SPECC1: variants seen among roughly 807,000 people sequenced by gnomAD.
The protein encoded by SPECC1 is sperm antigen with calponin homology and coiled-coil domains 1, also known as cytospin-B.
SPECC1 carries 62 observed loss-of-function variants against 104.1 expected under a neutral mutation model. That is an observed-to-expected ratio of 0.60 (90% CI 0.49 to 0.74). SPECC1 has a LOEUF of 0.74. Among genes scored for constraint, SPECC1 ranks in the 30% least tolerant of loss-of-function variants. The probability of loss-of-function intolerance (pLI) is 0.00; values close to 1 mark genes in which losing one functional copy is unlikely to be tolerated. For synonymous variants in SPECC1, 513 were observed against 501.6 expected, an observed-to-expected ratio of 1.02 and a Z score of -0.30; for missense variants, 1,306 against 1,310.5, an observed-to-expected ratio of 1.00 and a Z score of 0.05.
chr17:20,228,628 T>TGG (rs2038382473), intron 5 of SPECC1, among the ~76,000 whole-genome samples: 2 of 152,320 alleles, frequency 1.3e-5, no homozygotes, highest in South Asian at 4.1e-4. Flanking sequence ...TGTGTGCTCT[T>TGG]GGTCTAAGGG....
At chr17:20,199,592 A>T (rs2036279207) in intron 3 of SPECC1, among the ~76,000 whole-genome samples, 1 of 150,894 alleles carries the variant, frequency 6.6e-6, no homozygotes, top group African/African-American at 2.4e-5. Context: ...TTGTGTAGAG[A>T]TAGGGTCTCA....
intron 3 of SPECC1, among the ~76,000 whole-genome samples, chr17:20,156,819 A>T (rs117943211): frequency 6.6e-6 from 1 of 152,252 alleles, no homozygotes; most frequent in East Asian, 1.9e-4. Context: ...CTGGTAGCTC[A>T]TGTCGGCCCC....
At chr17:20,278,334 C>T (rs1333024310) in intron 12 of SPECC1, among the ~76,000 whole-genome samples, 1 of 152,250 alleles carries the variant, frequency 6.6e-6, no homozygotes, top group East Asian at 1.9e-4. Context: ...GTAACAGAGG[C>T]AGAGGATAAG....
intron 3 of SPECC1, among the ~76,000 whole-genome samples, chr17:20,136,426 TAA>T (rs10577710): frequency 2.1e-5 from 3 of 144,178 alleles, no homozygotes; most frequent in Non-Finnish European, 3.0e-5. Flanking sequence ...CTCCATCTAT[TAA>T]AAAAAAAAAA....
At chr17:20,016,927 A>G (rs2044156398) in intron 1 of SPECC1, among the ~76,000 whole-genome samples, 1 of 152,222 alleles carries the variant, frequency 6.6e-6, no homozygotes. Flanking sequence ...TGTCTAGCTA[A>G]GGGATTGTAA....
chr17:20,305,349 G>A (rs1477331190), intron 13 of SPECC1, among the ~76,000 whole-genome samples: 2 of 152,020 alleles, frequency 1.3e-5, no homozygotes, highest in African/African-American at 4.8e-5. Context: ...TACCCAGTGG[G>A]ACAAAAAATA....
At chr17:20,195,662 G>GT (rs1227856666) in intron 3 of SPECC1, among the ~76,000 whole-genome samples, 2 of 151,472 alleles carry the variant, frequency 1.3e-5, no homozygotes, top group African/African-American at 4.9e-5. Flanking sequence ...GGTTCAAACA[G>GT]TTCTCCTGCC....
At chr17:20,080,925 G>A (rs543632595) in intron 1 of SPECC1, among the ~76,000 whole-genome samples, 13 of 152,126 alleles carry the variant, frequency 8.5e-5, no homozygotes, top group Admixed American at 3.9e-4. Context: ...TCTTGCCGGC[G>A]TCACCCCTGT....
chr17:20,029,442 ATCGCC>A (rs2044723877), intron 1 of SPECC1, among the ~76,000 whole-genome samples: 1 of 152,216 alleles, frequency 6.6e-6, no homozygotes, highest in African/African-American at 2.4e-5. Flanking sequence ...TAAAGATCGT[ATCGCC>A]TGTAAATAGA....
At chr17:20,180,093 A>G (rs539760570) in intron 3 of SPECC1, among the ~76,000 whole-genome samples, 1 of 152,360 alleles carries the variant, frequency 6.6e-6, no homozygotes, top group Admixed American at 6.5e-5. Context: ...GCAGGTAACT[A>G]CTAACCAAGT....
intron 2 of SPECC1, among the ~76,000 whole-genome samples, chr17:20,104,509 G>A (rs1333233759): frequency 6.6e-6 from 1 of 151,978 alleles, no homozygotes; most frequent in Non-Finnish European, 1.5e-5. Flanking sequence ...TTGGGAGGCC[G>A]AGGCAGGTGG....
chr17:20,054,631 G>A (rs2152464773), intron 1 of SPECC1, among the ~76,000 whole-genome samples: 1 of 152,114 alleles, frequency 6.6e-6, no homozygotes, highest in East Asian at 1.9e-4. Context: ...TTTTGTTGTT[G>A]TTCTTGCGTA....
intron 2 of SPECC1, among the ~76,000 whole-genome samples, chr17:20,108,796 C>CAG (rs2048348617): frequency 6.6e-6 from 1 of 152,210 alleles, no homozygotes; most frequent in African/African-American, 2.4e-5. Context: ...GTACTTGCTT[C>CAG]TCTTGGGTGC....
At chr17:20,238,930 G>T (rs1001343462) in intron 7 of SPECC1, 1 of 1,040,706 alleles carries the variant, frequency 9.6e-7, no homozygotes, top group East Asian at 5.8e-5. Flanking sequence ...CTACGTTTCT[G>T]CAGGGCCTTT....
At chr17:20,115,444 G>A (rs1239618672) in intron 3 of SPECC1, among the ~76,000 whole-genome samples, 1 of 152,108 alleles carries the variant, frequency 6.6e-6, no homozygotes, top group East Asian at 1.9e-4. Flanking sequence ...CTACACTCCA[G>A]CCTGAGTGAC....
At chr17:20,097,265 G>T (rs531233267) in intron 2 of SPECC1, among the ~76,000 whole-genome samples, 2 of 152,234 alleles carry the variant, frequency 1.3e-5, no homozygotes, top group Admixed American at 1.3e-4. Context: ...TCTAAGGTTG[G>T]GTGGGCCCAT....
chr17:20,134,676 C>G (rs1328633688), intron 3 of SPECC1, among the ~76,000 whole-genome samples: 1 of 152,046 alleles, frequency 6.6e-6, no homozygotes, highest in Non-Finnish European at 1.5e-5. Flanking sequence ...GTCTCCAACT[C>G]CTGGGTTCAA....
chr17:20,246,130 GAT>G (rs1391712142), intron 8 of SPECC1, 59 bp downstream of exon 8: 2 of 1,593,920 alleles, frequency 1.3e-6, no homozygotes, highest in Non-Finnish European at 1.7e-6. Flanking sequence ...CCCGACATTT[GAT>G]ATGTCTACTA....
chr17:20,276,365 C>A (rs1351404888), intron 12 of SPECC1, among the ~76,000 whole-genome samples: 1 of 152,222 alleles, frequency 6.6e-6, no homozygotes, highest in Non-Finnish European at 1.5e-5. Context: ...AGAGATCCTC[C>A]CACATTAGTC....
Sources: allele counts gnomAD v4.1 joint callset (sites outside exome capture counted in the v4.1 genomes callset), GRCh38; gene constraint gnomAD v4.1.1; transcripts MANE v1.5; gene names NCBI Gene and HGNC (gene_info 2026-07-23, HGNC 2026-07-21).